CRY1: variants seen among roughly 807,000 people sequenced by gnomAD.
CRY1 encodes cryptochrome-1.
Under a neutral mutation model 76.0 loss-of-function variants are expected in CRY1, and 45 were observed. The ratio of observed to expected loss-of-function variants is 0.59; its 90% CI spans 0.47 to 0.76. The LOEUF is 0.76. Among genes scored for constraint, CRY1 ranks in the 30% least tolerant of loss-of-function variants. The pLI is 0.00. For missense variants in CRY1, 587 were observed against 716.4 expected, an observed-to-expected ratio of 0.82 and a Z score of 2.06; for synonymous variants, 248 against 244.0, an observed-to-expected ratio of 1.02 and a Z score of -0.15.
chr12:107,071,000 G>A (rs1263182191), intron 1 of CRY1, among the ~76,000 whole-genome samples: 3 of 151,700 alleles, frequency 2.0e-5, no homozygotes, highest in African/African-American at 4.8e-5. Flanking sequence ...CACAGCGCCC[G>A]GCCTGGATTC....
At chr12:107,051,169 T>C (rs1352588334) in intron 1 of CRY1, among the ~76,000 whole-genome samples, 1 of 152,284 alleles carries the variant, frequency 6.6e-6, no homozygotes, top group African/African-American at 2.4e-5. Flanking sequence ...TCCCTAACCA[T>C]ATAGCTGTTA....
At chr12:107,089,641 T>A (rs919750710) in intron 1 of CRY1, among the ~76,000 whole-genome samples, 1 of 152,232 alleles carries the variant, frequency 6.6e-6, no homozygotes, top group Admixed American at 6.5e-5. Flanking sequence ...CTAAAAAGTG[T>A]TGACCGAAGA....
chr12:107,043,103 C>T (rs1952817889), intron 1 of CRY1: 1 of 152,112 alleles, frequency 6.6e-6, no homozygotes, highest in Non-Finnish European at 1.5e-5. Flanking sequence ...GACTCTCCTT[C>T]ATCTCTGAGA....
chr12:107,024,574 C>T (rs2136848213), intron 1 of CRY1, among the ~76,000 whole-genome samples: 1 of 152,068 alleles, frequency 6.6e-6, no homozygotes, highest in Non-Finnish European at 1.5e-5. Flanking sequence ...GTGGGGTCTC[C>T]CCACGTTGCC....
intron 1 of CRY1, among the ~76,000 whole-genome samples, chr12:107,029,606 CAAAA>C (rs35485801): frequency 5.3e-5 from 6 of 112,238 alleles, no homozygotes; most frequent in Non-Finnish European, 3.7e-5. Flanking sequence ...GGTCTTGCCT[CAAAA>C]AAAAAAAAAA....
chr12:107,071,587 G>A (rs1053840456), intron 1 of CRY1, among the ~76,000 whole-genome samples: 2 of 152,070 alleles, frequency 1.3e-5, no homozygotes, highest in African/African-American at 2.4e-5. Flanking sequence ...ATCTAAGCCT[G>A]ATGTTTTTTG....
intron 1 of CRY1, among the ~76,000 whole-genome samples, chr12:107,047,290 A>G (rs1952860180): frequency 6.6e-6 from 1 of 152,234 alleles, no homozygotes; most frequent in African/African-American, 2.4e-5. Context: ...CAATGAAGAA[A>G]TTAAGAAAAA....
At chr12:107,030,053 C>G (rs375626372) in intron 1 of CRY1, among the ~76,000 whole-genome samples, 2 of 152,252 alleles carry the variant, frequency 1.3e-5, no homozygotes, top group Admixed American at 6.5e-5. Flanking sequence ...GGACTGTAGC[C>G]TGCAACTAGG....
At chr12:107,067,749 G>A (rs1215427001) in intron 1 of CRY1, among the ~76,000 whole-genome samples, 1 of 152,168 alleles carries the variant, frequency 6.6e-6, no homozygotes, top group Non-Finnish European at 1.5e-5. Context: ...GGGGACAGGA[G>A]AAGGAAGACA....
rs745367321 is a variant in CRY1, at chr12:106,997,394, A to G, written c.1493-8T>C. 1.1e-5 allele frequency: 17 copies of G among 1,613,116 alleles called. No homozygotes were observed. Among genetic ancestry groups the G allele is most frequent in the Admixed American group, 1.7e-5 (1 of 59,854 alleles). On this transcript the variant is annotated splice_region_variant and splice_polypyrimidine_tract_variant and intron_variant, in intron 9 of 12. Transcript: ENST00000008527. ...GTACTGATGCCAGAAGACCTAAAGGACAAAAAAATTTTCTTTTAAATTATG... is the reference window on the plus strand; with the variant it reads ...GTACTGATGCCAGAAGACCTAAAGGGCAAAAAAATTTTCTTTTAAATTATG...
At chr12:107,063,588 T>C (rs896019808) in intron 1 of CRY1, among the ~76,000 whole-genome samples, 4 of 152,208 alleles carry the variant, frequency 2.6e-5, no homozygotes, top group Non-Finnish European at 5.9e-5. Flanking sequence ...AGCTGGGTCA[T>C]AGTTTTTGTT....
At position 106,997,621 on chromosome 12, in the gene CRY1, A is replaced by C; in HGVS notation, c.1359T>G (p.Gly453=). 6.2e-7 allele frequency: 1 copy of C among 1,614,102 alleles called. No homozygotes were observed. Among genetic ancestry groups the C allele is most frequent in the South Asian group, 1.1e-5 (1 of 91,072 alleles). ...TCAAACATTTGGCTACCTTTTGGAT[A>C]CCTTCTGGTGCATTCCAGGGATCAT... ...YIYDPWNAPE[G]IQKVAKCLIG... Residue 453 remains glycine, a synonymous_variant, in exon 9 of 13, where the codon GGT becomes GGG. Transcript: ENST00000008527.
intron 1 of CRY1, among the ~76,000 whole-genome samples, chr12:107,075,490 T>C (rs570969978): frequency 2.8e-4 from 42 of 152,264 alleles, no homozygotes; most frequent in African/African-American, 9.6e-4. Context: ...TGCTTCACCA[T>C]GGTCTTGAAG....
chr12:107,006,076 T>C (rs183651454), intron 2 of CRY1, among the ~76,000 whole-genome samples: 1 of 152,170 alleles, frequency 6.6e-6, no homozygotes, highest in Non-Finnish European at 1.5e-5. Flanking sequence ...GCTATTCCAA[T>C]GGTGGGTTTA....
intron 2 of CRY1, among the ~76,000 whole-genome samples, chr12:107,013,100 T>C (rs1156879358): frequency 6.6e-6 from 1 of 152,212 alleles, no homozygotes. Flanking sequence ...GTGGCAGGGT[T>C]TGAGAGGACT....
intron 2 of CRY1, among the ~76,000 whole-genome samples, chr12:107,009,555 CA>C (rs201692464): frequency 1.2e-3 from 39 of 32,176 alleles, no homozygotes; most frequent in East Asian, 4.2e-3. Flanking sequence ...AACAAAAAAA[CA>C]AAAAAACATA....
intron 2 of CRY1, among the ~76,000 whole-genome samples, chr12:107,013,629 G>A (rs562530151): frequency 6.6e-6 from 1 of 152,216 alleles, no homozygotes; most frequent in East Asian, 1.9e-4. Context: ...GGTCAACAAT[G>A]ACAAGGAATA....
intron 1 of CRY1, among the ~76,000 whole-genome samples, chr12:107,086,693 T>C (rs1220043591): frequency 2.6e-5 from 4 of 152,186 alleles, no homozygotes; most frequent in Non-Finnish European, 5.9e-5. Flanking sequence ...AGTCTGCAGG[T>C]ATACAGAATA....
chr12:107,049,197 C>G (rs1436022010), intron 1 of CRY1, among the ~76,000 whole-genome samples: 1 of 152,160 alleles, frequency 6.6e-6, no homozygotes, highest in Non-Finnish European at 1.5e-5. Context: ...AGTCTCTGAA[C>G]TCCATTTTTT....
Sources: gnomAD v4.1 joint callset for allele counts (sites outside exome capture counted in the v4.1 genomes callset) on GRCh38, gnomAD v4.1.1 for gene constraint, MANE v1.5 for transcripts, NCBI Gene and HGNC (gene_info 2026-07-23, HGNC 2026-07-21) for gene names.